GRK5: variants seen among roughly 807,000 people sequenced by gnomAD.
The protein encoded by GRK5 is G protein-coupled receptor kinase 5.
A neutral mutation model predicts 78.4 loss-of-function variants in GRK5; 40 were observed. The observed-to-expected ratio is 0.51, with a 90% CI of 0.40 to 0.66. The LOEUF (loss-of-function observed/expected upper bound fraction) is 0.66. Ranked by LOEUF, GRK5 falls within the 30% of genes least tolerant of loss-of-function variation. GRK5 has a pLI of 0.00. For synonymous variants in GRK5, 289 were observed against 296.8 expected, an observed-to-expected ratio of 0.97 and a Z score of 0.27; for missense variants, 598 against 759.9, an observed-to-expected ratio of 0.79 and a Z score of 2.50.
At chr10:119,376,980 G>T (rs1211230700) in intron 2 of GRK5, among the ~76,000 whole-genome samples, 3 of 152,298 alleles carry the variant, frequency 2.0e-5, no homozygotes, top group South Asian at 4.1e-4. Flanking sequence ...GCGCATGCGC[G>T]TGCGTGTGTG....
chr10:119,220,449 A>G (rs1457057486), intron 1 of GRK5, among the ~76,000 whole-genome samples: 3 of 152,208 alleles, frequency 2.0e-5, no homozygotes, highest in African/African-American at 7.2e-5. Flanking sequence ...GCTAGTCTTC[A>G]GGTGCACCTC....
At chr10:119,387,522 A>G (rs1047204516) in intron 3 of GRK5, among the ~76,000 whole-genome samples, 1 of 152,206 alleles carries the variant, frequency 6.6e-6, no homozygotes, top group Non-Finnish European at 1.5e-5. Flanking sequence ...TCAGCAAGAA[A>G]TGGAGTCAGT....
At chr10:119,397,244 G>A (rs1243553610) in intron 4 of GRK5, among the ~76,000 whole-genome samples, 1 of 152,232 alleles carries the variant, frequency 6.6e-6, no homozygotes, top group Non-Finnish European at 1.5e-5. Context: ...GGAGTATTCT[G>A]AAGGGTCAGG....
At chr10:119,353,748 A>G (rs1375910371) in intron 2 of GRK5, among the ~76,000 whole-genome samples, 4 of 152,158 alleles carry the variant, frequency 2.6e-5, no homozygotes, top group Non-Finnish European at 2.9e-5. Flanking sequence ...TGACAATGTC[A>G]TTGTACATCT....
At position 119,436,861 on chromosome 10, in the gene GRK5, G is replaced by A; in HGVS notation, c.929+20G>A. ...CTACCGGTGAGTGGAAGGCACCAAG[G>A]ACTTCCAAGTCTAAGTCCGAGGGGG... On this transcript the variant is annotated intron_variant, in intron 9 of 15. Coordinates refer to ENST00000392870, the MANE Select transcript of GRK5 (RefSeq NM_005308.3). 1 of 1,572,568 alleles carries A rather than the reference G, an allele frequency of 6.4e-7. No homozygotes were observed. Among genetic ancestry groups the A allele is most frequent in the Non-Finnish European group, 8.7e-7 (1 of 1,155,834 alleles).
intron 2 of GRK5, among the ~76,000 whole-genome samples, chr10:119,347,210 T>G (rs762153393): frequency 6.2e-4 from 95 of 152,166 alleles, no homozygotes; most frequent in Non-Finnish European, 8.1e-4. Context: ...CACCACAGTA[T>G]TTCATGTATG....
intron 1 of GRK5, among the ~76,000 whole-genome samples, chr10:119,240,783 C>T (rs1247420725): frequency 2.0e-5 from 3 of 152,154 alleles, no homozygotes; most frequent in East Asian, 1.9e-4. Flanking sequence ...GGTCTCACCA[C>T]GTATCCCAGT....
At chr10:119,369,788 G>A (rs1404068685) in intron 2 of GRK5, among the ~76,000 whole-genome samples, 1 of 152,076 alleles carries the variant, frequency 6.6e-6, no homozygotes, top group African/African-American at 2.4e-5. Context: ...AGAGGGCTCA[G>A]AGCACAGTGC....
intron 2 of GRK5, among the ~76,000 whole-genome samples, chr10:119,342,931 T>G (rs895158735): frequency 3.9e-5 from 6 of 152,226 alleles, no homozygotes; most frequent in African/African-American, 1.4e-4. Flanking sequence ...TCCTTCTGCC[T>G]CCAGGCAGGA....
At chr10:119,294,804 C>T (rs527937076) in intron 1 of GRK5, among the ~76,000 whole-genome samples, 1 of 152,314 alleles carries the variant, frequency 6.6e-6, no homozygotes, top group African/African-American at 2.4e-5. Context: ...TTGCCTATGG[C>T]TGTTTTGCTC....
At chr10:119,371,621 G>GGCCCT (rs373788523) in intron 2 of GRK5, among the ~76,000 whole-genome samples, 197 of 152,330 alleles carry the variant, frequency 1.3e-3, no homozygotes, top group African/African-American at 4.1e-3. Context: ...AGGCTGGCAT[G>GGCCCT]GCCCTGCCCT....
At chr10:119,400,467 A>G (rs1852131338) in intron 4 of GRK5, among the ~76,000 whole-genome samples, 1 of 152,214 alleles carries the variant, frequency 6.6e-6, no homozygotes, top group Non-Finnish European at 1.5e-5. Flanking sequence ...TCTGATGCGT[A>G]GAGGCCATGG....
chr10:119,347,528 G>A (rs1851117618), intron 2 of GRK5, among the ~76,000 whole-genome samples: 1 of 152,264 alleles, frequency 6.6e-6, no homozygotes, highest in Non-Finnish European at 1.5e-5. Flanking sequence ...GTATCCTGAA[G>A]GCAAGGTGTT....
intron 2 of GRK5, among the ~76,000 whole-genome samples, chr10:119,352,978 ACTT>A (rs1851209518): frequency 1.3e-5 from 2 of 152,138 alleles, no homozygotes; most frequent in Admixed American, 1.3e-4. Context: ...TTTGCTTTTC[ACTT>A]CTTATCTCAG....
intron 1 of GRK5, among the ~76,000 whole-genome samples, chr10:119,300,965 A>C (rs1020536991): frequency 6.6e-6 from 1 of 152,148 alleles, no homozygotes; most frequent in Admixed American, 6.5e-5. Flanking sequence ...AAAGCTAGGC[A>C]TGATGGCGGG....
chr10:119,354,716 A>C (rs1056891117), intron 2 of GRK5, among the ~76,000 whole-genome samples: 1 of 152,154 alleles, frequency 6.6e-6, no homozygotes, highest in Non-Finnish European at 1.5e-5. Flanking sequence ...TTAAGGCTGA[A>C]TAATATTCCA....
intron 6 of GRK5, among the ~76,000 whole-genome samples, chr10:119,429,948 C>A (rs1383355868): frequency 6.6e-6 from 1 of 152,112 alleles, no homozygotes. Flanking sequence ...GCTGTGACCT[C>A]CTTCGCGTCC....
At chr10:119,417,333 G>T (rs1852477918) in intron 4 of GRK5, among the ~76,000 whole-genome samples, 1 of 152,198 alleles carries the variant, frequency 6.6e-6, no homozygotes, top group South Asian at 2.1e-4. Context: ...CTGCCTCAGT[G>T]TCTGAAATAC....
chr10:119,359,140 G>A (rs1319076959), intron 2 of GRK5, among the ~76,000 whole-genome samples: 1 of 152,196 alleles, frequency 6.6e-6, no homozygotes, highest in Non-Finnish European at 1.5e-5. Flanking sequence ...CACCAGGGGG[G>A]TTGCTGGTGC....
Sources: gnomAD v4.1 joint callset for allele counts (sites outside exome capture counted in the v4.1 genomes callset) on GRCh38, gnomAD v4.1.1 for gene constraint, MANE v1.5 for transcripts, NCBI Gene and HGNC (gene_info 2026-07-23, HGNC 2026-07-21) for gene names.